The following ENPEP variants were observed in gnomAD, a reference collection of about 807,000 sequenced individuals.
ENPEP encodes AP-A.
A neutral mutation model predicts 114.5 loss-of-function variants in ENPEP; 103 were observed. The ratio of observed to expected loss-of-function variants is 0.90; its 90% CI spans 0.77 to 1.06. The LOEUF is 1.06. Among genes scored for constraint, ENPEP ranks in the 50% least tolerant of loss-of-function variants. The pLI, the probability that ENPEP is intolerant of heterozygous loss-of-function variation, is 0.00. For missense variants in ENPEP, 1,196 were observed against 1,161.3 expected (o/e 1.03, Z -0.43); for synonymous variants, 420 against 422.0 (o/e 1.00, Z 0.06).
At chr4:110,558,197 A>C in intron 18 of ENPEP, among the ~76,000 whole-genome samples, 1 of 149,220 alleles carries the variant, frequency 6.7e-6, no homozygotes, top group Non-Finnish European at 1.5e-5. Flanking sequence ...AAAACAAACT[A>C]TCAGCTTTTA....
intron 18 of ENPEP, among the ~76,000 whole-genome samples, chr4:110,554,662 T>A (rs1451087445): frequency 6.6e-6 from 1 of 152,092 alleles, no homozygotes; most frequent in African/African-American, 2.4e-5. Context: ...TATCTAGATG[T>A]AACAGTTTAT....
rs954489901 is a variant in ENPEP at position 110,564,062 on chromosome 4, C to G, written c.*2504C>G. The G allele has an allele frequency of 6.6e-6, 1 of 151,286 alleles. No individual in the cohort carries two copies. The highest frequency in any genetic ancestry group is 2.4e-5 in the African/African-American group (1 of 41,166). The allele number at this position is 151,286 out of a possible 1,614,324, so 9.4% of individuals were successfully genotyped here. On this transcript the variant is annotated 3_prime_UTR_variant, in exon 20 of 20. Transcript: ENST00000265162. ...GGATTCAAATTACCAGTGGTGCTTT[C>G]TAAAACACGGTTAGGTAATCATCAT...
intron 14 of ENPEP, among the ~76,000 whole-genome samples, 198 bp from the exon 15 acceptor site, chr4:110,549,148 C>T (rs1441721174): frequency 2.0e-5 from 3 of 151,730 alleles, no homozygotes; most frequent in Non-Finnish European, 2.9e-5. Context: ...CAGGAAGGTC[C>T]GGGATGGTTT....
At chr4:110,487,807 T>G (rs1395080670) in intron 1 of ENPEP, among the ~76,000 whole-genome samples, 5 of 152,168 alleles carry the variant, frequency 3.3e-5, no homozygotes, top group Non-Finnish European at 7.3e-5. Context: ...TTTTGAGCAA[T>G]TACTCAGAAA....
intron 3 of ENPEP, among the ~76,000 whole-genome samples, chr4:110,503,624 G>C (rs950795218): frequency 6.6e-6 from 1 of 152,154 alleles, no homozygotes; most frequent in African/African-American, 2.4e-5. Flanking sequence ...AGGCAGTCTG[G>C]CTTTTTGAGC....
At chr4:110,544,362 G>A (rs2110388800) in intron 13 of ENPEP, among the ~76,000 whole-genome samples, 1 of 152,150 alleles carries the variant, frequency 6.6e-6, no homozygotes, top group Non-Finnish European at 1.5e-5. Context: ...CCGTTAATTA[G>A]TAGTGAAGAT....
intron 1 of ENPEP, among the ~76,000 whole-genome samples, chr4:110,485,462 C>A (rs1452292559): frequency 3.9e-5 from 6 of 152,106 alleles, no homozygotes; most frequent in Non-Finnish European, 7.4e-5. Context: ...CCCTTAACAT[C>A]AGAGCATATT....
At chr4:110,540,939 C>G (rs2110385013) in intron 11 of ENPEP, among the ~76,000 whole-genome samples, 1 of 152,214 alleles carries the variant, frequency 6.6e-6, no homozygotes, top group African/African-American at 2.4e-5. Flanking sequence ...GTGATCTGGC[C>G]AAGGTCACAC....
chr4:110,518,367 G>A (rs1578404712), intron 8 of ENPEP, among the ~76,000 whole-genome samples: 1 of 152,142 alleles, frequency 6.6e-6, no homozygotes, highest in African/African-American at 2.4e-5. Flanking sequence ...CCCTTCTTGG[G>A]ATACTAGTAA....
At chr4:110,480,362 C>A (rs1724263348) in intron 1 of ENPEP, among the ~76,000 whole-genome samples, 1 of 152,114 alleles carries the variant, frequency 6.6e-6, no homozygotes, top group Non-Finnish European at 1.5e-5. Context: ...GGCAATGCAG[C>A]CTCTAGGAGT....
In ENPEP at chr4:110,549,335, T is replaced by A. The variant is rs776314657; in HGVS notation, c.2152-11T>A. The A allele has an allele frequency of 6.2e-7, 1 of 1,608,724 alleles. No homozygotes were observed. The highest frequency in any genetic ancestry group is 1.3e-5 in the African/African-American group (1 of 74,740). The stretch of plus-strand genomic sequence containing the variant: ...AATTGTTACTTATTGTACATAATAC[T>A]TTTATTTCAGGAATACTTCCAAGGT... On this transcript the variant is annotated splice_polypyrimidine_tract_variant and intron_variant, in intron 14 of 19. Coordinates refer to ENST00000265162, the MANE Select transcript of ENPEP (RefSeq NM_001977.4).
In ENPEP at chr4:110,534,318, T is replaced by C. The variant is rs62336840; in HGVS notation, c.1807+3041T>C. Among the ~76,000 whole-genome samples the C allele has an allele frequency of 3.6e-3, 544 of 152,258 alleles. 1 individual carries two copies. The highest frequency in any genetic ancestry group is 6.8e-3 in the Middle Eastern group (2 of 294). On this transcript the variant is annotated intron_variant, in intron 11 of 19. Coordinates refer to ENST00000265162, the MANE Select transcript of ENPEP (RefSeq NM_001977.4). ...ATTTCTAATGAAAGAAGAGAACCTC[T>C]ATTATAAAACATTTTCTGGCTACTC...
At chr4:110,549,496 G>A (rs752760995) in intron 15 of ENPEP, 32 bp from the exon 16 acceptor site, 2 of 1,612,820 alleles carry the variant, frequency 1.2e-6, no homozygotes, top group Admixed American at 1.7e-5. Flanking sequence ...AAGTGCTTAA[G>A]GCCCTGGATT....
intron 11 of ENPEP, among the ~76,000 whole-genome samples, chr4:110,535,487 T>C (rs1308472671): frequency 6.6e-6 from 1 of 152,224 alleles, no homozygotes; most frequent in Admixed American, 6.5e-5. Context: ...GATTATGGGT[T>C]CAGTTTTGCT....
At chr4:110,499,796 TA>T (rs899215178) in intron 3 of ENPEP, among the ~76,000 whole-genome samples, 1 of 152,156 alleles carries the variant, frequency 6.6e-6, no homozygotes, top group Non-Finnish European at 1.5e-5. Flanking sequence ...TAGTGTGGAT[TA>T]GGGGTTGTGG....
At chr4:110,511,461 T>C (rs906903897) in intron 6 of ENPEP, among the ~76,000 whole-genome samples, 3 of 152,164 alleles carry the variant, frequency 2.0e-5, no homozygotes, top group African/African-American at 7.2e-5. Context: ...GACAAAAATC[T>C]CCTCCAGTTG....
Position 110,519,142 on chromosome 4 carries a change from T to G in ENPEP, c.1510-866T>G, listed in dbSNP as rs774984038. The G allele has an allele frequency of 4.4e-5, 20 of 455,392 alleles. 1 individual carries two copies. The highest frequency in any genetic ancestry group is 3.1e-4 in the South Asian group (20 of 64,442). The allele number at this position is 455,392 out of a possible 1,614,324, so 28.2% of individuals were successfully genotyped here. A position where few individuals can be genotyped will look rare whatever the true frequency, so the allele number is the denominator to read the frequency against. On this transcript the variant is annotated intron_variant, in intron 8 of 19. Transcript: ENST00000265162. ...CAAATATGGAGGCAGCATTCCAAAG[T>G]GGCTTCATCCCTCTTCCAGGCTTCT...
chr4:110,511,022 G>C (rs1193903089), intron 6 of ENPEP, among the ~76,000 whole-genome samples: 2 of 152,030 alleles, frequency 1.3e-5, no homozygotes, highest in African/African-American at 2.4e-5. Context: ...TTTTTTTTCA[G>C]AAAAGCTAGG....
At chr4:110,548,074 T>C in intron 13 of ENPEP, 102 bp from the exon 14 acceptor site, 1 of 1,240,372 alleles carries the variant, frequency 8.1e-7, no homozygotes, top group East Asian at 2.8e-5. Flanking sequence ...TAACATGGAA[T>C]GCTTTGATCG....
Sources: allele counts gnomAD v4.1 joint callset (sites outside exome capture counted in the v4.1 genomes callset), GRCh38; gene constraint gnomAD v4.1.1; transcripts MANE v1.5; gene names NCBI Gene and HGNC (gene_info 2026-07-23, HGNC 2026-07-21).